The following F7 variants were observed in gnomAD, a reference collection of about 807,000 sequenced individuals.
The protein encoded by F7 is coagulation factor VII, also known as FVII coagulation protein.
In F7, 38 loss-of-function variants were observed where a neutral mutation model predicts 47.5. The observed-to-expected ratio is 0.80, with a 90% CI of 0.62 to 1.05. F7 has a LOEUF of 1.05. Among genes scored for constraint, F7 ranks in the 50% least tolerant of loss-of-function variants. F7 has a pLI of 0.00. For missense variants in F7, 575 were observed against 605.4 expected (o/e 0.95, Z 0.53); for synonymous variants, 244 against 258.5 (o/e 0.94, Z 0.54).
At position 113,118,954 on chromosome 13, in the gene F7, G is replaced by C. The variant is rs769953249; in HGVS notation, c.1281G>C (p.Lys427Asn). 2.2e-5 allele frequency: 35 copies of C among 1,606,438 alleles called. No individual in the cohort carries two copies. The South Asian group carries it at 3.7e-4, about 17-fold the overall frequency. The change falls in exon 8 of 8, where the codon AAG becomes AAC. Residue 427 changes from lysine to asparagine, a missense_variant. Transcript: ENST00000346342. ...RVSQYIEWLQKLMRSEPRPGV... is the reference protein window; with the variant it reads ...RVSQYIEWLQNLMRSEPRPGV... ...CCCAGTACATCGAGTGGCTGCAAAA[G>C]CTCATGCGCTCAGAGCCACGCCCAG...
Position 113,115,878 on chromosome 13 carries a change from G to T in F7, c.505+78G>T. The T allele has an allele frequency of 1.9e-6, 3 of 1,588,344 alleles. No homozygotes were observed. In the South Asian group the frequency reaches 3.3e-5, roughly 18 times the overall value. Reference sequence around the variant, plus strand: ...CGGATTATCTTACTGGACAAAAGACGGGTGGGAGTGGCTTCACATCTACTG... The same window carrying T: ...CGGATTATCTTACTGGACAAAAGACTGGTGGGAGTGGCTTCACATCTACTG... On this transcript the variant is annotated intron_variant, in intron 5 of 7. Coordinates refer to ENST00000346342, the MANE Select transcript of F7 (RefSeq NM_019616.4).
At chr13:113,110,078 C>T (rs2036059616) in intron 1 of F7, among the ~76,000 whole-genome samples, 2 of 152,116 alleles carry the variant, frequency 1.3e-5, no homozygotes, top group Admixed American at 6.5e-5. Flanking sequence ...CTGGAGCTCT[C>T]AGGGGTCGCG....
At chr13:113,109,303 C>T (rs1327243492) in intron 1 of F7, among the ~76,000 whole-genome samples, 1 of 151,672 alleles carries the variant, frequency 6.6e-6, no homozygotes, top group East Asian at 1.9e-4. Context: ...ATGGGCCTCC[C>T]CTCCCACTCC....
intron 5 of F7, 119 bp from the exon 6 acceptor site, chr13:113,116,647 G>C: frequency 1.2e-6 from 1 of 829,912 alleles, no homozygotes; most frequent in South Asian, 1.4e-5. Flanking sequence ...CCTGCTCCTG[G>C]GGGCCTCCCA....
At position 113,113,796 on chromosome 13, in the gene F7, C is replaced by G; in HGVS notation, c.250+20C>G. On this transcript the variant is annotated intron_variant, in intron 3 of 7. Transcript: ENST00000346342. The surrounding 1 kb of genome is among the most constrained non-coding windows in gnomAD (Gnocchi z 4.1). The stretch of plus-strand genomic sequence containing the variant: ...ACAGTGGTGAGTGGATGATCACCAC[C>G]AGTCCTGCCTGCAACCCTTCTCAGC... 1 of 1,614,174 alleles carries G rather than the reference C, an allele frequency of 6.2e-7. No individual in the cohort carries two copies. The highest frequency in any genetic ancestry group is 1.1e-5 in the South Asian group (1 of 91,082).
chr13:113,108,355 G>A (rs2036011167), intron 1 of F7, among the ~76,000 whole-genome samples: 2 of 88,818 alleles, frequency 2.3e-5, no homozygotes, highest in Non-Finnish European at 4.9e-5. Context: ...AGGCGAGGGT[G>A]TCCCGGGAGT....
intron 1 of F7, among the ~76,000 whole-genome samples, chr13:113,106,305 G>C (rs546996835): frequency 1.2e-3 from 102 of 84,048 alleles, no homozygotes; most frequent in African/African-American, 5.3e-3. Context: ...GGGGCATGGG[G>C]GATGGGGTGT....
At chr13:113,110,478 CAG>C in intron 1 of F7, 1 of 585,366 alleles carries the variant, frequency 1.7e-6, no homozygotes, top group Non-Finnish European at 2.9e-6. Flanking sequence ...CCCCCGGAAG[CAG>C]AGAGGCCAGG....
rs1405529500 is a variant in F7, at chr13:113,118,813, G to A, written c.1140G>A (p.Gly380=). The change falls in exon 8 of 8, where the codon GGG becomes GGA. Residue 380 remains glycine, a synonymous_variant. Coordinates refer to ENST00000346342, the MANE Select transcript of F7 (RefSeq NM_019616.4). ...ATGGCAGCAAGGACTCCTGCAAGGGGGACAGTGGAGGCCCACATGCCACCC... is the reference window on the plus strand; with the variant it reads ...ATGGCAGCAAGGACTCCTGCAAGGGAGACAGTGGAGGCCCACATGCCACCC... ...YSDGSKDSCK[G]DSGGPHATHY... 1 of 1,612,976 alleles carries A rather than the reference G, an allele frequency of 6.2e-7. No homozygotes were observed. Among genetic ancestry groups the A allele is most frequent in the South Asian group, 1.1e-5 (1 of 91,072 alleles).
At chr13:113,117,771 C>T (rs905216207) in intron 7 of F7, among the ~76,000 whole-genome samples, 175 bp downstream of exon 7, 2 of 152,084 alleles carry the variant, frequency 1.3e-5, no homozygotes, top group Non-Finnish European at 2.9e-5. Context: ...GCTGTCCGAC[C>T]GCGGTGCTGG....
At chr13:113,111,578 C>T (rs1173263280) in intron 2 of F7, among the ~76,000 whole-genome samples, 5 of 101,404 alleles carry the variant, frequency 4.9e-5, no homozygotes, top group African/African-American at 1.6e-4. Flanking sequence ...CACGGGTCAC[C>T]TCACACTCCA....
rs1352412067 is a variant in F7 at position 113,115,856 on chromosome 13, A to T, written c.505+56A>T. On this transcript the variant is annotated intron_variant, in intron 5 of 7. Coordinates refer to ENST00000346342, the MANE Select transcript of F7 (RefSeq NM_019616.4). ...GACACCAGTCCCTGTCCCACTACGG[A>T]TTATCTTACTGGACAAAAGACGGGT... is the stretch of plus-strand genomic sequence containing the variant. 4.3e-6 allele frequency: 7 copies of T among 1,609,896 alleles called. No individual in the cohort carries two copies. In the Admixed American group the frequency reaches 1.2e-4, roughly 27 times the overall value.
intron 2 of F7, among the ~76,000 whole-genome samples, 182 bp downstream of exon 2, chr13:113,111,032 G>GC (rs1021476791): frequency 6.6e-6 from 1 of 152,288 alleles, no homozygotes; most frequent in East Asian, 1.9e-4. Flanking sequence ...CCTGGGCGAT[G>GC]CCCCCCACCC....
rs1343687295 is a variant in F7, at chr13:113,115,781, G to A, written c.486G>A (p.Gly162=). 1.2e-6 allele frequency: 2 copies of A among 1,613,258 alleles called. No individual in the cohort carries two copies. Among genetic ancestry groups the A allele is most frequent in the African/African-American group, 1.3e-5 (1 of 75,046 alleles). Residue 162 remains glycine, a synonymous_variant, in exon 5 of 8, where the codon GGG becomes GGA. Transcript: ENST00000346342. The part of the protein sequence containing the change: ...CHEGYSLLAD[G]VSCTPTVEYP... ...AGGGGTACTCTCTGCTGGCAGACGG[G>A]GTGTCCTGCACACCCACAGGTGACC...
In F7 at chr13:113,119,647, G is replaced by A. The variant is rs3093250; in HGVS notation, c.*639G>A. The A allele has an allele frequency of 0.026, 4,116 of 159,172 alleles. 190 individuals carry two copies. The highest frequency in any genetic ancestry group is 0.091 in the African/African-American group (3,765 of 41,182). 9.9% of individuals were successfully genotyped at this position (159,172 alleles called of 1,614,324 possible). A position where few individuals can be genotyped will look rare whatever the true frequency, so the allele number is the denominator to read the frequency against. On this transcript the variant is annotated 3_prime_UTR_variant, in exon 8 of 8. Transcript: ENST00000346342. Reference sequence around the variant, plus strand: ...AATGCACGCACACATCAGTGCACACGGATGCACAGAGATATGCACACACCG... The same window carrying A: ...AATGCACGCACACATCAGTGCACACAGATGCACAGAGATATGCACACACCG...
intron 6 of F7, among the ~76,000 whole-genome samples, chr13:113,117,187 G>T (rs1008862719): frequency 6.6e-5 from 10 of 152,360 alleles, no homozygotes; most frequent in African/African-American, 2.4e-4. Flanking sequence ...GCAAAATCAG[G>T]AGCATTGGAT....
At chr13:113,114,569 C>T (rs147361348) in intron 4 of F7, 1 of 157,984 alleles carries the variant, frequency 6.3e-6, no homozygotes, top group Non-Finnish European at 1.4e-5. Flanking sequence ...CCCAGAATGA[C>T]GTGTGACGAG....
intron 1 of F7, among the ~76,000 whole-genome samples, chr13:113,108,007 T>C (rs1407457350): frequency 3.3e-4 from 2 of 6,046 alleles, no homozygotes; most frequent in African/African-American, 4.4e-4. Context: ...GTCCCGGGAG[T>C]GTGGGTGTTC....
intron 1 of F7, among the ~76,000 whole-genome samples, chr13:113,106,553 C>G (rs9549674): frequency 0.18 from 78 of 424 alleles, 9 homozygotes; most frequent in East Asian, 0.45. Context: ...TGTGGGGTGT[C>G]GGGGATGGGG....
Sources: allele counts gnomAD v4.1 joint callset (sites outside exome capture counted in the v4.1 genomes callset), GRCh38; gene constraint gnomAD v4.1.1; non-coding constraint Gnocchi (gnomAD v3.1); transcripts MANE v1.5; gene names NCBI Gene and HGNC (gene_info 2026-07-23, HGNC 2026-07-21).